Variants in EDA2R observed in about 807,000 individuals in gnomAD.
EDA2R encodes the protein tumor necrosis factor receptor superfamily member 27.
EDA2R carries 26 observed loss-of-function variants against 20.1 expected under a neutral mutation model. That is an observed-to-expected ratio of 1.30 (90% CI 0.95 to 1.80). The LOEUF (loss-of-function observed/expected upper bound fraction) is 1.80. Ranked by LOEUF, EDA2R falls within the 40% of genes most tolerant of loss-of-function variation. The pLI is 0.00. For missense variants in EDA2R, 277 were observed against 228.7 expected, an observed-to-expected ratio of 1.21 and a Z score of -1.36; for synonymous variants, 114 against 88.7, an observed-to-expected ratio of 1.29 and a Z score of -1.60.
chrX:66,602,855 AC>A (rs1266629922), intron 4 of EDA2R, 58 bp from the exon 5 acceptor site: 1 of 1,037,573 alleles, frequency 9.6e-7, no homozygotes, highest in Non-Finnish European at 1.3e-6. Context: ...AGTCACCCTG[AC>A]CCTGGACCTG....
rs143174021 is a variant in EDA2R, at chrX:66,604,324, T to A, written c.352+97A>T. ...GATTCCCTTGCCACTCTACTCTACATGAAAAGGTATGAGGGGATATGGGTA... is the reference window on the plus strand; with the variant it reads ...GATTCCCTTGCCACTCTACTCTACAAGAAAAGGTATGAGGGGATATGGGTA... On this transcript the variant is annotated intron_variant, in intron 4 of 6. Coordinates refer to ENST00000374719, the MANE Select transcript of EDA2R (RefSeq NM_021783.5). The A allele has an allele frequency of 7.4e-4, 524 of 711,457 alleles. 3 individuals are homozygous for A. In the African/African-American group the frequency reaches 9.7e-3, roughly 13 times the overall value. The allele number at this position is 711,457 out of a possible 1,213,427, so 58.6% of individuals were successfully genotyped here. A position where few individuals can be genotyped will look rare whatever the true frequency, so the allele number is the denominator to read the frequency against.
chrX:66,626,804 G>A (rs1418631781), intron 1 of EDA2R, among the ~76,000 whole-genome samples: 2 of 89,975 alleles, frequency 2.2e-5, no homozygotes, highest in African/African-American at 8.2e-5. Context: ...GGAGGGGAGG[G>A]GAGGGGAGAG....
At chrX:66,604,631 T>C in intron 3 of EDA2R, 125 bp from the exon 4 acceptor site, 1 of 554,486 alleles carries the variant, frequency 1.8e-6, no homozygotes, top group South Asian at 3.5e-5. Context: ...CCCCTCTTTC[T>C]GAGTTATCTG....
At chrX:66,630,340 C>T (rs770416029) in intron 1 of EDA2R, among the ~76,000 whole-genome samples, 16 of 110,932 alleles carry the variant, frequency 1.4e-4, no homozygotes, top group African/African-American at 3.9e-4. Context: ...GATAAATAGC[C>T]GGGACCTAAT....
intron 1 of EDA2R, among the ~76,000 whole-genome samples, chrX:66,623,582 T>G (rs1282469899): frequency 8.9e-6 from 1 of 111,954 alleles, no homozygotes; most frequent in Non-Finnish European, 1.9e-5. Context: ...ATAGAGACCT[T>G]AGATGATACG....
intron 1 of EDA2R, among the ~76,000 whole-genome samples, chrX:66,626,886 C>T (rs1933150081): frequency 9.3e-6 from 1 of 107,941 alleles, no homozygotes; most frequent in African/African-American, 3.4e-5. Flanking sequence ...AGGTAACCCA[C>T]CAAGGAAAAC....
chrX:66,599,908 C>A, intron 5 of EDA2R, 48 bp from the exon 6 acceptor site: 1 of 1,178,153 alleles, frequency 8.5e-7, no homozygotes. Context: ...AGCAGGGGCT[C>A]TTCTCAGCTG....
chrX:66,621,374 T>A (rs1437919433), intron 1 of EDA2R, among the ~76,000 whole-genome samples: 1 of 112,280 alleles, frequency 8.9e-6, no homozygotes, highest in African/African-American at 3.2e-5. Flanking sequence ...TGTTACAACA[T>A]GACCCAGCAA....
chrX:66,606,555 C>T (rs1473649432), intron 2 of EDA2R, among the ~76,000 whole-genome samples: 1 of 112,147 alleles, frequency 8.9e-6, no homozygotes, highest in Non-Finnish European at 1.9e-5. Flanking sequence ...GAAAAACAAG[C>T]AGGAACTGTC....
intron 5 of EDA2R, among the ~76,000 whole-genome samples, chrX:66,601,439 G>A (rs1220294315): frequency 9.0e-6 from 1 of 111,617 alleles, no homozygotes; most frequent in African/African-American, 3.3e-5. Flanking sequence ...GAACAACAGT[G>A]TTCCCCGTGT....
chrX:66,603,588 A>G (rs1431864730), intron 4 of EDA2R, among the ~76,000 whole-genome samples: 1 of 111,644 alleles, frequency 9.0e-6, no homozygotes, highest in Non-Finnish European at 1.9e-5. Flanking sequence ...AGGCCTTTGC[A>G]TAGTAAAAAA....
intron 1 of EDA2R, among the ~76,000 whole-genome samples, chrX:66,621,097 T>C (rs1196084912): frequency 1.8e-5 from 2 of 108,749 alleles, no homozygotes; most frequent in East Asian, 5.8e-4. Context: ...GCCAATATGG[T>C]GAAACCCTGA....
chrX:66,604,470 G>T lies in EDA2R; in HGVS notation c.303C>A (p.Asp101Glu). ...GCTTCGTGCACGGGATGCACTCTTG[G>T]TCCTGCAGGCCTCCAATGCGTGTCT... ...YRKTRIGGLQ[D>E]QECIPCTKQT... Residue 101 changes from aspartate (D) to glutamate (E), a missense_variant, in exon 4 of 7, where the codon GAC (aspartate) becomes GAA (glutamate). Physicochemically the swap from Asp to Glu is conservative, Grantham distance 45 (BLOSUM62 2). Coordinates refer to ENST00000374719, the MANE Select transcript of EDA2R (RefSeq NM_021783.5). 1 of 1,209,534 alleles carries T rather than the reference G, an allele frequency of 8.3e-7. No individual in the cohort carries two copies. The highest frequency in any genetic ancestry group is 1.1e-6 in the Non-Finnish European group (1 of 894,271).
intron 2 of EDA2R, among the ~76,000 whole-genome samples, chrX:66,615,156 G>T (rs751788874): frequency 1.8e-5 from 2 of 111,825 alleles, no homozygotes; most frequent in African/African-American, 3.3e-5. Context: ...AGAAGGTAAG[G>T]TCCATGAAGG....
intron 1 of EDA2R, among the ~76,000 whole-genome samples, chrX:66,621,608 T>C (rs1932631653): frequency 8.9e-6 from 1 of 112,562 alleles, no homozygotes; most frequent in African/African-American, 3.2e-5. Flanking sequence ...ATAACATGAA[T>C]GAACGTTGAA....
At chrX:66,622,999 G>A (rs1209947812) in intron 1 of EDA2R, among the ~76,000 whole-genome samples, 1 of 111,993 alleles carries the variant, frequency 8.9e-6, no homozygotes, top group Non-Finnish European at 1.9e-5. Flanking sequence ...ATACCACGAG[G>A]GAGTTGGTTT....
intron 4 of EDA2R, among the ~76,000 whole-genome samples, chrX:66,603,284 A>G (rs764717332): frequency 6.7e-4 from 75 of 112,546 alleles, no homozygotes; most frequent in African/African-American, 2.4e-3. Context: ...ACAATAGCAT[A>G]TATTGGTTAT....
At chrX:66,616,932 C>A (rs1237019982) in intron 1 of EDA2R, among the ~76,000 whole-genome samples, 1 of 112,079 alleles carries the variant, frequency 8.9e-6, no homozygotes, top group Admixed American at 9.4e-5. Flanking sequence ...TCCATCAAAC[C>A]ATTCTAAAGA....
chrX:66,612,478 G>GA (rs201343244), intron 2 of EDA2R, among the ~76,000 whole-genome samples: 9,911 of 110,636 alleles, frequency 0.09, 395 homozygotes, highest in Non-Finnish European at 0.12. Context: ...AGCTGACATT[G>GA]AAAAAGTAAC....
Sources: allele counts gnomAD v4.1 joint callset (sites outside exome capture counted in the v4.1 genomes callset), GRCh38; gene constraint gnomAD v4.1.1; transcripts MANE v1.5; gene names NCBI Gene and HGNC (gene_info 2026-07-23, HGNC 2026-07-21).